MTCL1: variants seen among roughly 807,000 people sequenced by gnomAD.
MTCL1 encodes the protein microtubule cross-linking factor 1.
A neutral mutation model predicts 141.4 loss-of-function variants in MTCL1; 79 were observed. That is an observed-to-expected ratio of 0.56 (90% CI 0.47 to 0.67). MTCL1 has a LOEUF of 0.67. Ranked by LOEUF, MTCL1 falls within the 30% of genes least tolerant of loss-of-function variation. The probability of loss-of-function intolerance (pLI) is 0.00; values close to 1 mark genes in which losing one functional copy is unlikely to be tolerated. For missense variants in MTCL1, 2,177 were observed against 2,113.9 expected, an observed-to-expected ratio of 1.03 and a Z score of -0.59; for synonymous variants, 914 against 875.8, an observed-to-expected ratio of 1.04 and a Z score of -0.77.
chr18:8,796,698 A>G (rs931357287), intron 9 of MTCL1, among the ~76,000 whole-genome samples: 3 of 152,344 alleles, frequency 2.0e-5, no homozygotes, highest in Middle Eastern at 3.4e-3. Flanking sequence ...AAGCAGATAT[A>G]ACAGAAGTAA....
At position 8,779,268 on chromosome 18, in the gene MTCL1, A is replaced by C. The variant is rs1172985459; in HGVS notation, c.417+1376A>C. On this transcript the variant is annotated intron_variant, in intron 5 of 16. Transcript: ENST00000359865. The surrounding 1 kb of genome is among the most constrained non-coding windows in gnomAD (Gnocchi z 4.1). ...CCCCTGGGTGTCTCCCCTCCTGGCC[A>C]TGCCTGCCCTCTGCCTGCAACAGGA... is the stretch of plus-strand genomic sequence containing the variant. Among the ~76,000 whole-genome samples the C allele has an allele frequency of 2.0e-5, 3 of 152,088 alleles. No individual in the cohort carries two copies. Among genetic ancestry groups the C allele is most frequent in the Non-Finnish European group, 4.4e-5 (3 of 68,002 alleles).
exon 17 of MTCL1, chr18:8,831,913 G>A: frequency 7.6e-7 from 1 of 1,322,160 alleles, no homozygotes; most frequent in Non-Finnish European, 1.0e-6. Context: ...CAAGGTCAAA[G>A]AATGTTTTTT....
At chr18:8,712,120 C>T (rs935756212) in intron 1 of MTCL1, among the ~76,000 whole-genome samples, 2 of 152,200 alleles carry the variant, frequency 1.3e-5, no homozygotes, top group African/African-American at 4.8e-5. Context: ...TGCTGACCTC[C>T]TGCAGGGTGG....
rs191565745 is a variant in MTCL1, at chr18:8,773,950, C to G, written c.358-3883C>G. 2.0e-3 allele frequency among the ~76,000 whole-genome samples: 299 copies of G among 152,244 alleles called. 3 individuals are homozygous for G. The highest frequency in any genetic ancestry group is 6.8e-3 in the African/African-American group (281 of 41,552). ...TAGCACAAATACTGTCATTATTTTT[C>G]CTTTTCAAAGTGTTCTTGGCAATTT... On this transcript the variant is annotated intron_variant, in intron 4 of 16. Transcript: ENST00000359865.
intron 4 of MTCL1, among the ~76,000 whole-genome samples, chr18:8,724,619 C>T (rs991691263): frequency 1.3e-5 from 2 of 152,030 alleles, no homozygotes; most frequent in African/African-American, 2.4e-5. Flanking sequence ...GCAGACTTGC[C>T]TTGGCTTGTC....
chr18:8,715,987 G>A (rs2148790141), upstream of MTCL1, among the ~76,000 whole-genome samples: 1 of 152,270 alleles, frequency 6.6e-6, no homozygotes, highest in African/African-American at 2.4e-5. Flanking sequence ...CCTATGCTCA[G>A]TCCAGTAACT....
At chr18:8,715,094 C>T (rs1388169987), upstream of MTCL1, among the ~76,000 whole-genome samples, 3 of 152,190 alleles carry the variant, frequency 2.0e-5, no homozygotes, top group Non-Finnish European at 4.4e-5. Flanking sequence ...CCGCACCCGG[C>T]CCCTAATTTT....
intron 5 of MTCL1, among the ~76,000 whole-genome samples, chr18:8,778,507 T>TA (rs2096520733): frequency 6.6e-6 from 1 of 152,114 alleles, no homozygotes; most frequent in Admixed American, 6.5e-5. Context: ...TGAGAGCAAG[T>TA]AGTAATTAGA....
exon 10 of MTCL1, chr18:8,798,220 C>T: frequency 6.3e-7 from 1 of 1,598,808 alleles, no homozygotes; most frequent in Middle Eastern, 1.7e-4. Flanking sequence ...GCACTCCCCA[C>T]ACTCCCGGGT....
intron 1 of MTCL1, among the ~76,000 whole-genome samples, chr18:8,710,287 A>G (rs959662871): frequency 3.3e-5 from 5 of 150,926 alleles, no homozygotes. Flanking sequence ...TAGGTGAAAA[A>G]TGCAAAATCA....
chr18:8,831,089 A>C (rs2077178472), intron 16 of MTCL1: 2 of 986,112 alleles, frequency 2.0e-6, no homozygotes, highest in Non-Finnish European at 2.4e-6. Context: ...TCAATTTCAA[A>C]TAAACAGTAG....
exon 6 of MTCL1, chr18:8,784,010 C>T (rs200271750): frequency 2.4e-4 from 390 of 1,613,680 alleles, no homozygotes; most frequent in African/African-American, 6.3e-4. Flanking sequence ...AGACCACAAC[C>T]GGCAACTGAC....
At chr18:8,805,639 G>T (rs557550940) in intron 10 of MTCL1, among the ~76,000 whole-genome samples, 1 of 152,348 alleles carries the variant, frequency 6.6e-6, no homozygotes, top group South Asian at 2.1e-4. Context: ...CTGAACCAGG[G>T]AGGAGAGGTT....
At chr18:8,778,826 C>G (rs887619691) in intron 5 of MTCL1, among the ~76,000 whole-genome samples, 2 of 152,236 alleles carry the variant, frequency 1.3e-5, no homozygotes, top group Non-Finnish European at 2.9e-5. Flanking sequence ...TTGACTGGCT[C>G]TTGCCCAGGG....
chr18:8,747,329 A>T (rs2096344360), intron 4 of MTCL1, among the ~76,000 whole-genome samples: 1 of 152,008 alleles, frequency 6.6e-6, no homozygotes, highest in African/African-American at 2.4e-5. Context: ...AGTCTGTTCC[A>T]TGCCTGGTGC....
chr18:8,724,479 C>T (rs1257105170), intron 4 of MTCL1, among the ~76,000 whole-genome samples: 1 of 152,176 alleles, frequency 6.6e-6, no homozygotes, highest in East Asian at 1.9e-4. Flanking sequence ...CAGTCCCCCA[C>T]CTCAGACGAG....
rs576685290 is a variant in MTCL1 at position 8,831,512 on chromosome 18, C to G, written c.*19-95C>G. On this transcript the variant is annotated intron_variant, in intron 16 of 16. Transcript: ENST00000359865. ...GAGTTGCCTGTGGTGTATACTTCAT[C>G]TCACTTGAGTCTGTTGAGAAGTGTG... 8.0e-6 allele frequency: 12 copies of G among 1,495,262 alleles called. No individual in the cohort carries two copies. The African/African-American group carries it at 1.5e-4, about 19-fold the overall frequency. 92.6% of individuals were successfully genotyped at this position (1,495,262 alleles called of 1,614,324 possible).
chr18:8,762,375 G>T (rs1011008226), intron 4 of MTCL1, among the ~76,000 whole-genome samples: 45 of 152,252 alleles, frequency 3.0e-4, no homozygotes, highest in African/African-American at 1.1e-3. Context: ...CAGCCATGCA[G>T]TGTGCGCTGG....
At chr18:8,729,353 T>C (rs1375060530) in intron 4 of MTCL1, among the ~76,000 whole-genome samples, 1 of 151,940 alleles carries the variant, frequency 6.6e-6, no homozygotes, top group Non-Finnish European at 1.5e-5. Context: ...CTGCCTGTTA[T>C]ATATTTTTTT....
Sources: allele counts gnomAD v4.1 joint callset (sites outside exome capture counted in the v4.1 genomes callset), GRCh38; gene constraint gnomAD v4.1.1; non-coding constraint Gnocchi (gnomAD v3.1); transcripts MANE v1.5; gene names NCBI Gene and HGNC (gene_info 2026-07-23, HGNC 2026-07-21).